The following CLVS1 variants were observed in gnomAD, a reference collection of about 807,000 sequenced individuals.
CLVS1 encodes clavesin 1, also known as clavesin-1.
Under a neutral mutation model 33.1 loss-of-function variants are expected in CLVS1, and 10 were observed. The ratio of observed to expected loss-of-function variants is 0.30; its 90% CI spans 0.19 to 0.51. CLVS1 has a LOEUF of 0.51. Ranked by LOEUF, CLVS1 falls within the 20% of genes least tolerant of loss-of-function variation. CLVS1 has a pLI of 0.97. For synonymous variants in CLVS1, 163 were observed against 166.1 expected, an observed-to-expected ratio of 0.98 and a Z score of 0.14; for missense variants, 343 against 433.4, an observed-to-expected ratio of 0.79 and a Z score of 1.85.
intron 2 of CLVS1, among the ~76,000 whole-genome samples, chr8:61,183,157 G>GC (rs1199130297): frequency 1.3e-5 from 2 of 150,688 alleles, no homozygotes; most frequent in African/African-American, 4.9e-5. Flanking sequence ...CAGGGCGGAG[G>GC]GGGGCAGGCA....
chr8:61,096,731 G>A (rs1430033973), intron 1 of CLVS1, among the ~76,000 whole-genome samples: 2 of 152,108 alleles, frequency 1.3e-5, no homozygotes, highest in Non-Finnish European at 2.9e-5. Context: ...TGAAGAGAAA[G>A]CAGATTCCCT....
chr8:61,106,101 C>T lies in CLVS1; in HGVS notation c.-242-25669C>T, dbSNP rs1216098037. Among the ~76,000 whole-genome samples the T allele has an allele frequency of 2.6e-5, 4 of 152,320 alleles. No homozygotes were observed. The South Asian group carries it at 6.2e-4, about 24-fold the overall frequency. On this transcript the variant is annotated intron_variant, in intron 1 of 2. Transcript: ENST00000522621. ...ACTAGACTGTGAGCAGATTCCGCCA[C>T]GTCTTCCTCCTCGACTTCCTCCCTT...
intron 5 of CLVS1, among the ~76,000 whole-genome samples, chr8:61,480,604 C>A (rs201262813): frequency 1.3e-5 from 2 of 152,022 alleles, no homozygotes; most frequent in Non-Finnish European, 2.9e-5. Flanking sequence ...ACCCACTGTC[C>A]GGCACTCCCC....
At position 61,282,780 on chromosome 8, in the gene CLVS1, G is replaced by A. The variant is rs78552976; in HGVS notation, c.-151-16897G>A. Among the ~76,000 whole-genome samples, 71 of 152,326 alleles carry A rather than the reference G, an allele frequency of 4.7e-4. 1 individual carries two copies. Among genetic ancestry groups the A allele is most frequent in the African/African-American group, 1.7e-3 (71 of 41,578 alleles). ...GTTCCCATCTGATAAAGTAAATGAAGTATGGATCTATTTCCTGCAACCTGA... is the reference window on the plus strand; with the variant it reads ...GTTCCCATCTGATAAAGTAAATGAAATATGGATCTATTTCCTGCAACCTGA... On this transcript the variant is annotated intron_variant, in intron 2 of 2. Coordinates refer to the CLVS1 transcript ENST00000522621.
At chr8:61,202,007 T>C (rs142952913) in intron 2 of CLVS1, among the ~76,000 whole-genome samples, 264 of 152,312 alleles carry the variant, frequency 1.7e-3, no homozygotes, top group Non-Finnish European at 3.2e-3. Context: ...TTTGACCCGA[T>C]TGGCTAGCAA....
At chr8:61,012,104 A>T in the CLVS1 span, among the ~76,000 whole-genome samples, 3 of 152,208 alleles carry the variant, frequency 2.0e-5, no homozygotes, top group Non-Finnish European at 2.9e-5. Flanking sequence ...ACATCCTGGG[A>T]GGCTTCTTAG....
At chr8:61,270,315 T>C (rs1284226167) in intron 2 of CLVS1, among the ~76,000 whole-genome samples, 2 of 152,242 alleles carry the variant, frequency 1.3e-5, no homozygotes, top group Non-Finnish European at 2.9e-5. Flanking sequence ...CTGGATTAGA[T>C]TTATTGATTT....
At chr8:61,376,454 G>A (rs1421424056) in intron 2 of CLVS1, 151 bp from the exon 3 acceptor site, 31 of 629,154 alleles carry the variant, frequency 4.9e-5, no homozygotes, top group African/African-American at 1.1e-4. Context: ...TTTAGCAAAT[G>A]TATTTTCAGT....
intron 2 of CLVS1, among the ~76,000 whole-genome samples, chr8:61,344,076 G>C (rs1235550002): frequency 1.3e-5 from 2 of 151,996 alleles, no homozygotes; most frequent in Non-Finnish European, 2.9e-5. Context: ...CTTAATGGTA[G>C]GCCCTGTTCT....
chr8:61,064,212 C>T (rs745482296), intron 1 of CLVS1, among the ~76,000 whole-genome samples: 5 of 152,110 alleles, frequency 3.3e-5, no homozygotes, highest in Non-Finnish European at 7.4e-5. Context: ...TTTTTGAGTG[C>T]CTGCTTTCAA....
At chr8:61,391,253 G>A (rs1814293415) in intron 3 of CLVS1, 1 of 152,188 alleles carries the variant, frequency 6.6e-6, no homozygotes, top group Admixed American at 6.5e-5. Flanking sequence ...ATGCGAATTT[G>A]CAGAGGATGG....
At chr8:61,260,779 G>C (rs866845433) in intron 2 of CLVS1, among the ~76,000 whole-genome samples, 1 of 152,166 alleles carries the variant, frequency 6.6e-6, no homozygotes, top group Non-Finnish European at 1.5e-5. Flanking sequence ...AACTTGATAA[G>C]GGTCAGCTCC....
chr8:61,428,583 T>A (rs183204478), intron 3 of CLVS1, among the ~76,000 whole-genome samples: 8 of 152,360 alleles, frequency 5.3e-5, no homozygotes, highest in African/African-American at 1.9e-4. Flanking sequence ...GTGGCTAGGA[T>A]AGCAGATTTG....
the CLVS1 span, among the ~76,000 whole-genome samples, chr8:61,030,178 C>T: frequency 6.6e-6 from 1 of 152,106 alleles, no homozygotes; most frequent in South Asian, 2.1e-4. Flanking sequence ...CCAGAACACT[C>T]AATAGAAGTA....
intron 2 of CLVS1, among the ~76,000 whole-genome samples, chr8:61,353,251 T>C (rs1585845494): frequency 6.6e-6 from 1 of 152,158 alleles, no homozygotes; most frequent in East Asian, 1.9e-4. Flanking sequence ...TACACATTTT[T>C]TAAAGTGCCT....
chr8:61,140,867 T>G (rs1017328213), intron 2 of CLVS1, among the ~76,000 whole-genome samples: 2 of 152,216 alleles, frequency 1.3e-5, no homozygotes, highest in Non-Finnish European at 2.9e-5. Context: ...TAATTTTTTT[T>G]AAATTAAAAT....
intron 3 of CLVS1, among the ~76,000 whole-genome samples, chr8:61,447,023 A>G (rs1266583474): frequency 6.6e-6 from 1 of 152,048 alleles, no homozygotes. Flanking sequence ...ATCTTTGTGT[A>G]TGTTCTATGT....
At chr8:61,035,926 G>T in the CLVS1 span, among the ~76,000 whole-genome samples, 2 of 151,986 alleles carry the variant, frequency 1.3e-5, no homozygotes, top group Non-Finnish European at 2.9e-5. Flanking sequence ...ACACTTTTGC[G>T]TGCACCTGAT....
intron 2 of CLVS1, among the ~76,000 whole-genome samples, chr8:61,320,302 TTTTG>T (rs1233708330): frequency 1.3e-5 from 2 of 152,280 alleles, no homozygotes; most frequent in South Asian, 2.1e-4. Flanking sequence ...TTTATGTGCT[TTTTG>T]TTTGTTCATT....
Sources: gnomAD v4.1 joint callset for allele counts (sites outside exome capture counted in the v4.1 genomes callset) on GRCh38, gnomAD v4.1.1 for gene constraint, MANE v1.5 for transcripts, NCBI Gene and HGNC (gene_info 2026-07-23, HGNC 2026-07-21) for gene names.